The following ZFPM1 variants were observed in gnomAD, a reference collection of about 807,000 sequenced individuals.
ZFPM1 encodes the protein zinc finger protein ZFPM1.
In ZFPM1, 28 loss-of-function variants were observed where a neutral mutation model predicts 46.3. That is an observed-to-expected ratio of 0.60 (90% CI 0.45 to 0.83). ZFPM1 has a LOEUF of 0.83. Ranked by LOEUF, ZFPM1 falls within the 40% of genes least tolerant of loss-of-function variation. The pLI is 0.00. For synonymous variants in ZFPM1, 957 were observed against 675.9 expected (o/e 1.42, Z -6.45); for missense variants, 1,878 against 1,432.4 (o/e 1.31, Z -5.02).
At chr16:88,470,309 G>A (rs1246923191) in intron 1 of ZFPM1, among the ~76,000 whole-genome samples, 1 of 152,178 alleles carries the variant, frequency 6.6e-6, no homozygotes, top group Non-Finnish European at 1.5e-5. Flanking sequence ...GGATGCCCAC[G>A]GGTGTCCCCT....
chr16:88,461,271 G>A (rs1204889722), intron 1 of ZFPM1, among the ~76,000 whole-genome samples: 3 of 149,804 alleles, frequency 2.0e-5, no homozygotes, highest in Admixed American at 2.0e-4. Flanking sequence ...GGACCGACGG[G>A]TGCGAGGCCT....
chr16:88,487,897 C>T (rs1243468735), intron 2 of ZFPM1, among the ~76,000 whole-genome samples: 1 of 152,226 alleles, frequency 6.6e-6, no homozygotes, highest in Non-Finnish European at 1.5e-5. Flanking sequence ...TCCAGCCCAG[C>T]CTCTGGTGAG....
chr16:88,464,220 C>T (rs977818692), intron 1 of ZFPM1, among the ~76,000 whole-genome samples: 1 of 152,174 alleles, frequency 6.6e-6, no homozygotes, highest in Admixed American at 6.5e-5. Flanking sequence ...CTGAGCACAC[C>T]TGGGCCCGAG....
Position 88,478,094 on chromosome 16 carries a change from G to A in ZFPM1, c.41-7845G>A, listed in dbSNP as rs185837850. ...CTTGGTGGAGCCGCTCAACCGCCAT[G>A]TCTCCCCTGCCCCAGGCCCGCTGGC... is the stretch of plus-strand genomic sequence containing the variant. On this transcript the variant is annotated intron_variant, in intron 1 of 9. Transcript: ENST00000319555. Among the ~76,000 whole-genome samples, 44 of 152,244 alleles carry A rather than the reference G, an allele frequency of 2.9e-4. 1 individual carries two copies. The East Asian group carries it at 8.3e-3, about 29-fold the overall frequency.
At chr16:88,454,180 C>A (rs1907429519) in intron 1 of ZFPM1, among the ~76,000 whole-genome samples, 1 of 152,154 alleles carries the variant, frequency 6.6e-6, no homozygotes, top group Admixed American at 6.5e-5. Context: ...AGGGGACACC[C>A]GGGGCCGCGG....
intron 4 of ZFPM1, among the ~76,000 whole-genome samples, chr16:88,520,943 A>AGGTG (rs993227226): frequency 1.1e-5 from 1 of 87,644 alleles, no homozygotes; most frequent in African/African-American, 4.6e-5. Context: ...GTGGATGATT[A>AGGTG]GGTGGGTGGG....
At chr16:88,502,706 A>G (rs1353423938) in intron 3 of ZFPM1, among the ~76,000 whole-genome samples, 4 of 152,238 alleles carry the variant, frequency 2.6e-5, no homozygotes, top group Non-Finnish European at 4.4e-5. Flanking sequence ...TTGACTCAGC[A>G]GTTGGCTCCT....
In ZFPM1 at chr16:88,533,784, C is replaced by G. The variant is rs753484619; in HGVS notation, c.1826C>G (p.Ala609Gly). The change falls in exon 10 of 10, where the codon GCG (alanine) becomes GGG (glycine). Residue 609 changes from alanine (A) to glycine (G), a missense_variant. Ala to Gly is a moderately conservative substitution (Grantham distance 60). Coordinates refer to ENST00000319555, the MANE Select transcript of ZFPM1 (RefSeq NM_153813.3). ...YCSGRRAPED[A>G]PAARRPKAPP... ...TCAGGCCGCCGTGCGCCCGAGGACGCGCCTGCCGCGCGCAGGCCCAAGGCG... is the reference window on the plus strand; with the variant it reads ...TCAGGCCGCCGTGCGCCCGAGGACGGGCCTGCCGCGCGCAGGCCCAAGGCG... 3.8e-6 allele frequency: 5 copies of G among 1,330,278 alleles called. No individual in the cohort carries two copies. In the South Asian group the frequency reaches 5.8e-5, roughly 15 times the overall value. The allele number at this position is 1,330,278 out of a possible 1,614,324, so 82.4% of individuals were successfully genotyped here.
At chr16:88,474,978 C>T (rs1234954137) in intron 1 of ZFPM1, among the ~76,000 whole-genome samples, 1 of 152,264 alleles carries the variant, frequency 6.6e-6, no homozygotes, top group Non-Finnish European at 1.5e-5. Flanking sequence ...TCCACTTGGC[C>T]CTGAATGGCA....
Position 88,534,991 on chromosome 16 carries a change from A to G in ZFPM1, c.*12A>G. ...AGCACGTGAAGTGAGCGCCCACACT[A>G]CAGCCGCAGACGCTTTGCACGCCCC... On this transcript the variant is annotated 3_prime_UTR_variant, in exon 10 of 10. Transcript: ENST00000319555. The G allele has an allele frequency of 7.2e-7, 1 of 1,390,916 alleles. No homozygotes were observed. Among genetic ancestry groups the G allele is most frequent in the Non-Finnish European group, 9.4e-7 (1 of 1,058,866 alleles). 86.2% of individuals were successfully genotyped at this position (1,390,916 alleles called of 1,614,324 possible).
At chr16:88,491,825 G>A (rs17700747) in intron 3 of ZFPM1, among the ~76,000 whole-genome samples, 2,200 of 152,326 alleles carry the variant, frequency 0.014, 26 homozygotes, top group South Asian at 0.059. Flanking sequence ...CGCTGCAGTG[G>A]CTACGGCCTA....
At position 88,474,374 on chromosome 16, in the gene ZFPM1, C is replaced by T. The variant is rs924407938; in HGVS notation, c.41-11565C>T. Among the ~76,000 whole-genome samples, 5 of 152,296 alleles carry T rather than the reference C, an allele frequency of 3.3e-5. No individual in the cohort carries two copies. The East Asian group carries it at 7.7e-4, about 24-fold the overall frequency. On this transcript the variant is annotated intron_variant, in intron 1 of 9. Coordinates refer to ENST00000319555, the MANE Select transcript of ZFPM1 (RefSeq NM_153813.3). Reference sequence around the variant, plus strand: ...GGCTGCCTGGAGGTGGTGGCAGATGCAGCAGCTGCCCGGCCAGGGTTCCCC... The same window carrying T: ...GGCTGCCTGGAGGTGGTGGCAGATGTAGCAGCTGCCCGGCCAGGGTTCCCC...
At position 88,527,206 on chromosome 16, in the gene ZFPM1, G is replaced by A. The variant is rs77245956; in HGVS notation, c.505+290G>A. On this transcript the variant is annotated intron_variant, in intron 5 of 9. Transcript: ENST00000319555. ...CCCTCTGGGGGACACCGTGATCCCCGTATCTCCTCCCTGCCTTGGCTGCAC... is the reference window on the plus strand; with the variant it reads ...CCCTCTGGGGGACACCGTGATCCCCATATCTCCTCCCTGCCTTGGCTGCAC... Among the ~76,000 whole-genome samples the A allele has an allele frequency of 4.0e-3, 612 of 152,264 alleles. 3 individuals are homozygous for A. The highest frequency in any genetic ancestry group is 0.014 in the African/African-American group (582 of 41,560).
At chr16:88,474,366 G>A (rs1908576358) in intron 1 of ZFPM1, among the ~76,000 whole-genome samples, 1 of 152,184 alleles carries the variant, frequency 6.6e-6, no homozygotes, top group South Asian at 2.1e-4. Context: ...TGGAGGTGGT[G>A]GCAGATGCAG....
intron 3 of ZFPM1, among the ~76,000 whole-genome samples, chr16:88,504,832 C>G (rs1323425391): frequency 6.6e-6 from 1 of 152,194 alleles, no homozygotes; most frequent in African/African-American, 2.4e-5. Flanking sequence ...GAGCACTGCC[C>G]CACTGCCCCT....
intron 1 of ZFPM1, among the ~76,000 whole-genome samples, chr16:88,484,313 G>A (rs932985294): frequency 2.6e-5 from 4 of 152,312 alleles, no homozygotes; most frequent in Admixed American, 6.5e-5. Flanking sequence ...TTCTCCATCC[G>A]TGCGGCTTGC....
At chr16:88,524,515 C>G (rs562003865) in intron 4 of ZFPM1, among the ~76,000 whole-genome samples, 49 of 152,340 alleles carry the variant, frequency 3.2e-4, no homozygotes, top group African/African-American at 1.2e-3. Flanking sequence ...GGGGCAGCCA[C>G]TCACCACAGT....
At chr16:88,460,637 G>T (rs954916735) in intron 1 of ZFPM1, among the ~76,000 whole-genome samples, 12 of 152,216 alleles carry the variant, frequency 7.9e-5, no homozygotes, top group African/African-American at 2.9e-4. Context: ...CAGCCAGGTG[G>T]CCTCAGCCAA....
intron 1 of ZFPM1, among the ~76,000 whole-genome samples, chr16:88,483,997 G>A (rs917105769): frequency 3.3e-5 from 5 of 152,208 alleles, no homozygotes; most frequent in Non-Finnish European, 5.9e-5. Context: ...GGCGTTGGAC[G>A]CTGGCGGGTG....
Sources: allele counts gnomAD v4.1 joint callset (sites outside exome capture counted in the v4.1 genomes callset), GRCh38; gene constraint gnomAD v4.1.1; transcripts MANE v1.5; gene names NCBI Gene and HGNC (gene_info 2026-07-23, HGNC 2026-07-21).